The following RAPGEF4 variants were observed in gnomAD, a reference collection of about 807,000 sequenced individuals.
RAPGEF4 encodes the protein RAP guanine-nucleotide-exchange factor (GEF) 4.
In RAPGEF4, 66 loss-of-function variants were observed where a neutral mutation model predicts 147.9. The observed-to-expected ratio is 0.45, with a 90% confidence interval of 0.37 to 0.55. The LOEUF is 0.55. Ranked by LOEUF, RAPGEF4 falls within the 20% of genes least tolerant of loss-of-function variation. The pLI, the probability that RAPGEF4 is intolerant of heterozygous loss-of-function variation, is 0.00. For missense variants in RAPGEF4, 1,071 were observed against 1,257.3 expected (o/e 0.85, Z 2.24); for synonymous variants, 419 against 442.7 (o/e 0.95, Z 0.67).
intron 4 of RAPGEF4, among the ~76,000 whole-genome samples, chr2:172,825,455 C>T (rs17705390): frequency 0.015 from 2,274 of 152,326 alleles, 19 homozygotes; most frequent in South Asian, 0.033. Context: ...TCCAATATAA[C>T]AGGCATTGCT....
rs751012627 is a variant in RAPGEF4, at chr2:172,988,828, C to T, written c.1363C>T (p.Arg455Trp). 5.0e-6 allele frequency: 8 copies of T among 1,613,620 alleles called. No individual in the cohort carries two copies. Among genetic ancestry groups the T allele is most frequent in the East Asian group, 2.2e-5 (1 of 44,890 alleles). Reference protein sequence around the residue: ...FLRVDKEDFNRILRDVEANTV... With the variant: ...FLRVDKEDFNWILRDVEANTV... ...AAGAGTAGACAAGGAGGATTTCAAC[C>T]GGATCCTAAGGGTGAGTCCAAAGCA... The change falls in exon 14 of 31, where the codon CGG becomes TGG. Residue 455 changes from arginine to tryptophan, a missense_variant. Physicochemically the swap from Arg to Trp is moderately radical, Grantham distance 101. Coordinates refer to ENST00000397081, the MANE Select transcript of RAPGEF4 (RefSeq NM_007023.4).
chr2:172,914,589 G>A (rs1683838934), intron 4 of RAPGEF4, among the ~76,000 whole-genome samples: 1 of 151,142 alleles, frequency 6.6e-6, no homozygotes, highest in Non-Finnish European at 1.5e-5. Context: ...GAGGGAGGGA[G>A]GAAAGGAGAG....
chr2:172,907,413 T>G (rs1290738680), intron 4 of RAPGEF4, among the ~76,000 whole-genome samples: 1 of 152,160 alleles, frequency 6.6e-6, no homozygotes, highest in East Asian at 1.9e-4. Context: ...CAGGTTAATT[T>G]TTTTAAAGGA....
chr2:172,825,937 T>A (rs1359349194), intron 4 of RAPGEF4, among the ~76,000 whole-genome samples: 1 of 152,280 alleles, frequency 6.6e-6, no homozygotes, highest in Non-Finnish European at 1.5e-5. Flanking sequence ...CAAAAATTTA[T>A]TAAATATTCT....
At chr2:172,855,992 T>A (rs1693376328) in intron 4 of RAPGEF4, among the ~76,000 whole-genome samples, 2 of 152,248 alleles carry the variant, frequency 1.3e-5, no homozygotes, top group African/African-American at 4.8e-5. Flanking sequence ...CTTGAATTTT[T>A]AAGTTTATAT....
intron 4 of RAPGEF4, among the ~76,000 whole-genome samples, chr2:172,830,726 C>T (rs1317626781): frequency 6.6e-6 from 1 of 152,170 alleles, no homozygotes; most frequent in Non-Finnish European, 1.5e-5. Flanking sequence ...ACCTTAGCCT[C>T]CTGTGTAGCC....
At chr2:172,948,023 G>A (rs1264884031) in intron 6 of RAPGEF4, among the ~76,000 whole-genome samples, 1 of 152,138 alleles carries the variant, frequency 6.6e-6, no homozygotes, top group Admixed American at 6.5e-5. Context: ...TTATATCAGT[G>A]AAATCATCTG....
intron 4 of RAPGEF4, chr2:172,893,816 A>G (rs535870373): frequency 6.6e-6 from 1 of 152,322 alleles, no homozygotes; most frequent in Admixed American, 6.5e-5. Context: ...TTGATCTCCC[A>G]TCCTGCCTCA....
At chr2:172,800,119 G>A (rs1686821490) in intron 3 of RAPGEF4, among the ~76,000 whole-genome samples, 1 of 152,170 alleles carries the variant, frequency 6.6e-6, no homozygotes, top group Non-Finnish European at 1.5e-5. Flanking sequence ...TTAGTTGTTA[G>A]GAATGAGTTA....
At chr2:173,030,321 G>A (rs1697070860) in intron 26 of RAPGEF4, 67 bp downstream of exon 26, 3 of 1,252,404 alleles carry the variant, frequency 2.4e-6, no homozygotes. Flanking sequence ...TCACCAGTGA[G>A]CTTTTTAATA....
At chr2:172,825,817 T>G (rs1427177121) in intron 4 of RAPGEF4, among the ~76,000 whole-genome samples, 2 of 152,226 alleles carry the variant, frequency 1.3e-5, no homozygotes, top group Non-Finnish European at 2.9e-5. Context: ...TCATTTATAG[T>G]GGATTTGGAA....
intron 4 of RAPGEF4, among the ~76,000 whole-genome samples, chr2:172,870,786 T>C (rs1201859481): frequency 1.3e-5 from 2 of 152,184 alleles, no homozygotes; most frequent in Non-Finnish European, 2.9e-5. Context: ...TATCTATAAA[T>C]TGAGATTTAA....
chr2:172,779,119 T>C (rs1426918160), intron 1 of RAPGEF4, among the ~76,000 whole-genome samples: 1 of 152,234 alleles, frequency 6.6e-6, no homozygotes, highest in Admixed American at 6.5e-5. Flanking sequence ...GTATCTACTA[T>C]ATTCCCAACA....
chr2:172,822,228 TA>T (rs1689147395), intron 4 of RAPGEF4, among the ~76,000 whole-genome samples: 1 of 152,190 alleles, frequency 6.6e-6, no homozygotes, highest in Non-Finnish European at 1.5e-5. Context: ...CTGATGATCT[TA>T]AATATGTTTC....
At chr2:172,929,032 C>G (rs1367550525) in intron 6 of RAPGEF4, among the ~76,000 whole-genome samples, 1 of 152,172 alleles carries the variant, frequency 6.6e-6, no homozygotes, top group Non-Finnish European at 1.5e-5. Flanking sequence ...TTCTCCTGTA[C>G]TGAAGGCAAT....
intron 6 of RAPGEF4, among the ~76,000 whole-genome samples, chr2:172,948,616 T>G (rs1274430872): frequency 6.6e-6 from 1 of 152,194 alleles, no homozygotes; most frequent in Non-Finnish European, 1.5e-5. Flanking sequence ...TGGAATACTA[T>G]GCAGCCATAA....
At chr2:173,008,956 G>A (rs1694755206) in intron 17 of RAPGEF4, among the ~76,000 whole-genome samples, 1 of 152,128 alleles carries the variant, frequency 6.6e-6, no homozygotes, top group Non-Finnish European at 1.5e-5. Context: ...CCTACACTGT[G>A]GCCTTCACCT....
intron 6 of RAPGEF4, among the ~76,000 whole-genome samples, chr2:172,946,053 C>A (rs1575332981): frequency 6.7e-6 from 1 of 150,218 alleles, no homozygotes; most frequent in African/African-American, 2.4e-5. Flanking sequence ...ATACTACTAG[C>A]AAATCATTAA....
chr2:172,894,448 C>T (rs1698266367), intron 4 of RAPGEF4: 1 of 152,180 alleles, frequency 6.6e-6, no homozygotes, highest in African/African-American at 2.4e-5. Flanking sequence ...TGGGACTAAG[C>T]TTTATAAAAT....
Sources: gnomAD v4.1 joint callset for allele counts (sites outside exome capture counted in the v4.1 genomes callset) on GRCh38, gnomAD v4.1.1 for gene constraint, MANE v1.5 for transcripts, NCBI Gene and HGNC (gene_info 2026-07-23, HGNC 2026-07-21) for gene names.